SCGB2B2: variants seen among roughly 807,000 people sequenced by gnomAD.
SCGB2B2 encodes secretoglobin family 2B member 2, also known as secretoglobin-like protein.
A neutral mutation model predicts 7.6 loss-of-function variants in SCGB2B2; 11 were observed. That is an observed-to-expected ratio of 1.45 (90% confidence interval 0.91 to 2.40). SCGB2B2 has a LOEUF of 2.40. Ranked by LOEUF, SCGB2B2 falls within the 30% of genes most tolerant of loss-of-function variation. The pLI is 0.00. For missense variants in SCGB2B2, 104 were observed against 115.4 expected (o/e 0.90, Z 0.45); for synonymous variants, 50 against 48.6 (o/e 1.03, Z -0.12).
rs1259593845 is a variant in SCGB2B2 at position 34,653,914 on chromosome 19, G to T, written c.-2032+21716C>A. Among the ~76,000 whole-genome samples the T allele has an allele frequency of 2.7e-5, 4 of 150,670 alleles. 1 individual carries two copies. Among genetic ancestry groups the T allele is most frequent in the African/African-American group, 1.0e-4 (4 of 40,156 alleles). On this transcript the variant is annotated intron_variant, in intron 1 of 3. Transcript: ENST00000601241. ...TCCTCTAAGATCAGGAACAAGATGA[G>T]GATGCCTACTCGTACCACTCGTATT...
At chr19:34,636,147 T>C (rs2066671333) in intron 1 of SCGB2B2, among the ~76,000 whole-genome samples, 1 of 152,194 alleles carries the variant, frequency 6.6e-6, no homozygotes, top group Admixed American at 6.5e-5. Flanking sequence ...AAAGAAATAT[T>C]GAAGTATACA....
Position 34,594,651 on chromosome 19 carries a change from TCGTGTGTG to T in SCGB2B2, c.-96_-89del. On this transcript the variant is annotated 5_prime_UTR_variant, in exon 2 of 4. It removes the in-frame stop codon of an upstream open reading frame in the 5' UTR. Coordinates refer to ENST00000601241, the MANE Select transcript of SCGB2B2 (RefSeq NM_001025591.4). ...ATATCTGAACAAGGCACATGCCTCT[TCGTGTGTG>T]TGTGTGTGTGTGTGTGTGTGTGTGT... The T allele has an allele frequency of 1.3e-6, 1 of 791,642 alleles. No individual in the cohort carries two copies. Among genetic ancestry groups the T allele is most frequent in the South Asian group, 1.5e-5 (1 of 67,142 alleles). The allele number at this position is 791,642 out of a possible 1,614,324, so 49.0% of individuals were successfully genotyped here. A position where few individuals can be genotyped will look rare whatever the true frequency, so the allele number is the denominator to read the frequency against.
intron 1 of SCGB2B2, among the ~76,000 whole-genome samples, chr19:34,661,349 A>T (rs893856958): frequency 6.6e-6 from 1 of 152,248 alleles, no homozygotes; most frequent in Non-Finnish European, 1.5e-5. Flanking sequence ...TGATAAAATA[A>T]GGGAGACCAA....
Position 34,594,912 on chromosome 19 carries a change from T to C in SCGB2B2, c.-349A>G. ...CTGAGTGTGCATGCACATGTGACCCTGTGTCTTGGCAAACGTGTGTCTGCA... is the reference window on the plus strand; with the variant it reads ...CTGAGTGTGCATGCACATGTGACCCCGTGTCTTGGCAAACGTGTGTCTGCA... On this transcript the variant is annotated 5_prime_UTR_variant, in exon 2 of 4. Transcript: ENST00000601241. The C allele has an allele frequency of 3.1e-6, 1 of 325,568 alleles. No individual in the cohort carries two copies. Among genetic ancestry groups the C allele is most frequent in the East Asian group, 6.1e-5 (1 of 16,280 alleles). 20.2% of individuals were successfully genotyped at this position (325,568 alleles called of 1,614,324 possible).
chr19:34,650,375 C>T (rs1266025197), intron 1 of SCGB2B2, among the ~76,000 whole-genome samples: 8 of 151,268 alleles, frequency 5.3e-5, no homozygotes, highest in Non-Finnish European at 5.9e-5. Flanking sequence ...AGTATGTGGA[C>T]CTGTGGTGTG....
rs73038274 is a variant in SCGB2B2 at position 34,592,763 on chromosome 19, T to A, written c.*792A>T. Among the ~76,000 whole-genome samples, 19,558 of 152,106 alleles carry A rather than the reference T, an allele frequency of 0.13. 1,411 individuals carry two copies. The highest frequency in any genetic ancestry group is 0.31 in the East Asian group (1,585 of 5,164). ...GTCAATGTCCCCTGTCATGGTGACA[T>A]GGCCACACAGACCCATGGCCTCATG... is the stretch of plus-strand genomic sequence containing the variant. On this transcript the variant is annotated 3_prime_UTR_variant, in exon 4 of 4. Coordinates refer to ENST00000601241, the MANE Select transcript of SCGB2B2 (RefSeq NM_001025591.4).
Position 34,654,113 on chromosome 19 carries a change from A to T in SCGB2B2, c.-2032+21517T>A, listed in dbSNP as rs182569967. The stretch of plus-strand genomic sequence containing the variant: ...GTTGTTCTGATTTTTACAAGTGTCA[A>T]AAGTTACAAATTATATACTTTAGAC... On this transcript the variant is annotated intron_variant, in intron 1 of 3. Transcript: ENST00000601241. 1.4e-3 allele frequency among the ~76,000 whole-genome samples: 216 copies of T among 151,430 alleles called. 20 individuals are homozygous for T. The highest frequency in any genetic ancestry group is 5.1e-3 in the African/African-American group (207 of 40,720).
rs114308453 is a variant in SCGB2B2, at chr19:34,639,432, A to C, written c.-2032+36198T>G. ...CACATTCGAGTGATGCCTGCAAAAG[A>C]TGTATTATGCTTCCAGGCATCACAT... On this transcript the variant is annotated intron_variant, in intron 1 of 3. Coordinates refer to ENST00000601241, the MANE Select transcript of SCGB2B2 (RefSeq NM_001025591.4). Among the ~76,000 whole-genome samples the C allele has an allele frequency of 4.8e-3, 734 of 152,314 alleles. 10 individuals carry two copies. The highest frequency in any genetic ancestry group is 0.017 in the African/African-American group (707 of 41,562).
chr19:34,612,385 AATAG>A (rs1186084073), intron 1 of SCGB2B2, among the ~76,000 whole-genome samples: 1 of 152,180 alleles, frequency 6.6e-6, no homozygotes, highest in Non-Finnish European at 1.5e-5. Flanking sequence ...TTGTACACAG[AATAG>A]ATACTTGATA....
chr19:34,605,654 C>T (rs180849255), intron 1 of SCGB2B2, among the ~76,000 whole-genome samples: 2 of 152,270 alleles, frequency 1.3e-5, no homozygotes, highest in Non-Finnish European at 2.9e-5. Flanking sequence ...ATGGTGTGAT[C>T]TTGGCTCACC....
intron 1 of SCGB2B2, among the ~76,000 whole-genome samples, chr19:34,644,546 G>A (rs1400512196): frequency 6.6e-6 from 1 of 151,872 alleles, no homozygotes; most frequent in Non-Finnish European, 1.5e-5. Context: ...TAACTCCCCA[G>A]GCTCTGCCCT....
chr19:34,672,365 T>C (rs2067825135), intron 1 of SCGB2B2, among the ~76,000 whole-genome samples: 1 of 152,224 alleles, frequency 6.6e-6, no homozygotes, highest in Admixed American at 6.5e-5. Context: ...TACTATTTCC[T>C]TCTTGTTTTG....
chr19:34,610,027 T>A (rs1046893252), intron 1 of SCGB2B2, among the ~76,000 whole-genome samples: 2 of 152,160 alleles, frequency 1.3e-5, no homozygotes, highest in Non-Finnish European at 2.9e-5. Flanking sequence ...TTGGTAGAGA[T>A]CTTTCACCTC....
intron 1 of SCGB2B2, among the ~76,000 whole-genome samples, chr19:34,598,411 GTCCTT>G (rs1485353338): frequency 2.6e-5 from 4 of 151,964 alleles, no homozygotes; most frequent in Non-Finnish European, 5.9e-5. Context: ...ATGCCCTGGC[GTCCTT>G]GGGGCTGAGG....
Position 34,676,393 on chromosome 19 carries a change from T to C in SCGB2B2, c.-2795A>G, listed in dbSNP as rs1234637001. On this transcript the variant is annotated 5_prime_UTR_variant, in exon 1 of 4. Transcript: ENST00000601241. ...CCATGGTAAGGTTCAGAAGTTACCC[T>C]GTATGGTTCAAAAAGCTGGGAAGCC... The C allele has an allele frequency of 6.6e-6, 1 of 152,198 alleles. No individual in the cohort carries two copies. Among genetic ancestry groups the C allele is most frequent in the East Asian group, 1.9e-4 (1 of 5,202 alleles). The allele number at this position is 152,198 out of a possible 1,614,324, so 9.4% of individuals were successfully genotyped here.
intron 1 of SCGB2B2, among the ~76,000 whole-genome samples, chr19:34,602,051 T>C (rs2065640816): frequency 1.3e-5 from 2 of 152,204 alleles, no homozygotes; most frequent in Admixed American, 1.3e-4. Flanking sequence ...ATTTCACCAT[T>C]ACATAGGAAG....
intron 1 of SCGB2B2, among the ~76,000 whole-genome samples, chr19:34,618,750 T>C (rs568820277): frequency 3.9e-5 from 6 of 152,260 alleles, no homozygotes; most frequent in African/African-American, 2.4e-5. Context: ...TGTTATAATA[T>C]TAACTTTTAG....
chr19:34,608,622 A>G (rs1418904451), intron 1 of SCGB2B2: 1 of 137,516 alleles, frequency 7.3e-6, no homozygotes, highest in Non-Finnish European at 1.5e-5. Context: ...GATGCAAATG[A>G]CAGAATTTTA....
rs141154471 is a variant in SCGB2B2 at position 34,673,466 on chromosome 19, C to T, written c.-2032+2164G>A. Among the ~76,000 whole-genome samples the T allele has an allele frequency of 4.1e-3, 625 of 152,276 alleles. 3 individuals carry two copies. The highest frequency in any genetic ancestry group is 0.014 in the African/African-American group (582 of 41,538). ...GTTCAGGAAGGAATTTAAGATGTGT[C>T]GCAGAGTGCAGTGAAAGATGCAAGT... On this transcript the variant is annotated intron_variant, in intron 1 of 3. Coordinates refer to ENST00000601241, the MANE Select transcript of SCGB2B2 (RefSeq NM_001025591.4).
Sources: allele counts gnomAD v4.1 joint callset (sites outside exome capture counted in the v4.1 genomes callset), GRCh38; gene constraint gnomAD v4.1.1; transcripts MANE v1.5; gene names NCBI Gene and HGNC (gene_info 2026-07-23, HGNC 2026-07-21).